SHPRH: variants seen among roughly 807,000 people sequenced by gnomAD.
SHPRH encodes E3 ubiquitin-protein ligase SHPRH.
SHPRH carries 106 observed loss-of-function variants against 202.5 expected under a neutral mutation model. The ratio of observed to expected loss-of-function variants is 0.52; its 90% confidence interval spans 0.45 to 0.62. SHPRH has a LOEUF of 0.62. SHPRH is among the 20% of genes least tolerant of loss of function. The pLI, the probability that SHPRH is intolerant of heterozygous loss-of-function variation, is 0.00. For missense variants in SHPRH, 1,710 were observed against 2,020.0 expected (o/e 0.85, Z 2.94); for synonymous variants, 729 against 686.0 (o/e 1.06, Z -0.98).
At chr6:145,958,879 C>T (rs1179401789) in intron 1 of SHPRH, among the ~76,000 whole-genome samples, 1 of 152,182 alleles carries the variant, frequency 6.6e-6, no homozygotes, top group Admixed American at 6.5e-5. Context: ...TGTTGCCCAG[C>T]TGGAGTGCAG....
chr6:145,941,983 T>C, intron 9 of SHPRH, 109 bp from the exon 10 acceptor site: 2 of 1,330,296 alleles, frequency 1.5e-6, no homozygotes, highest in Non-Finnish European at 2.1e-6. Flanking sequence ...TTAGGAGCAT[T>C]CATGCTATGA....
intron 2 of SHPRH, among the ~76,000 whole-genome samples, chr6:145,876,371 C>T (rs936427685): frequency 2.0e-5 from 3 of 151,996 alleles, no homozygotes; most frequent in African/African-American, 7.3e-5. Context: ...GAGAACCCAT[C>T]CTCTAAAAAA....
chr6:145,879,000 T>G (rs988312864), intron 2 of SHPRH, among the ~76,000 whole-genome samples: 1 of 152,192 alleles, frequency 6.6e-6, no homozygotes, highest in African/African-American at 2.4e-5. Flanking sequence ...TTATATGAAT[T>G]TGGTACTATT....
exon 3 of SHPRH, chr6:145,864,278 G>A (rs1425429871): frequency 3.5e-6 from 1 of 285,402 alleles, no homozygotes; most frequent in African/African-American, 2.2e-5. Flanking sequence ...TTACAGACAT[G>A]TATTACTGAA....
At chr6:145,923,988 C>T (rs1432820063) in intron 17 of SHPRH, among the ~76,000 whole-genome samples, 2 of 151,810 alleles carry the variant, frequency 1.3e-5, no homozygotes, top group East Asian at 1.9e-4. Context: ...AGAGAAACCC[C>T]TATTTCCTAA....
intron 5 of SHPRH, among the ~76,000 whole-genome samples, 187 bp from the exon 6 acceptor site, chr6:145,947,830 G>T (rs934698174): frequency 3.3e-5 from 5 of 151,872 alleles, no homozygotes; most frequent in Non-Finnish European, 7.4e-5. Flanking sequence ...CAAAAAAACT[G>T]CCTGAGCTGA....
At chr6:145,874,209 A>AT (rs150194495) in intron 2 of SHPRH, among the ~76,000 whole-genome samples, 3 of 147,862 alleles carry the variant, frequency 2.0e-5, no homozygotes, top group African/African-American at 7.5e-5. Flanking sequence ...AAAAATAATA[A>AT]AATAATAATA....
chr6:145,943,686 ATAATAG>A lies in SHPRH; in HGVS notation c.1689_1694del (p.Tyr566_Tyr567del), dbSNP rs1787049783. On this transcript the variant is annotated inframe_deletion, in exon 9 of 30. Transcript: ENST00000275233. ...TGCGATTTCTCCTGGACTTATAATA[ATAATAG>A]TAAGGATCATCATCATCATCAGAGG... 3.7e-6 allele frequency: 6 copies of A among 1,613,768 alleles called. No homozygotes were observed. Among genetic ancestry groups the A allele is most frequent in the Admixed American group, 1.7e-5 (1 of 59,960 alleles).
chr6:145,922,611 C>T (rs1344013864), intron 19 of SHPRH, 52 bp downstream of exon 19: 1 of 1,523,464 alleles, frequency 6.6e-7, no homozygotes, highest in South Asian at 1.3e-5. Context: ...TCTAAGAAAT[C>T]TAGCTTAAAG....
intron 16 of SHPRH, 32 bp downstream of exon 16, chr6:145,926,172 A>G (rs915875919): frequency 1.3e-6 from 2 of 1,574,226 alleles, no homozygotes; most frequent in Non-Finnish European, 1.7e-6. Flanking sequence ...AAGAAAATAT[A>G]CTTTTATAGA....
chr6:145,871,790 C>T (rs1780066536), intron 2 of SHPRH, among the ~76,000 whole-genome samples: 1 of 152,158 alleles, frequency 6.6e-6, no homozygotes, highest in South Asian at 2.1e-4. Context: ...TAGCTGACTT[C>T]AAACTATACG....
intron 11 of SHPRH, 59 bp downstream of exon 11, chr6:145,940,664 T>C: frequency 6.5e-7 from 1 of 1,539,650 alleles, no homozygotes; most frequent in Non-Finnish European, 9.0e-7. Context: ...ACAATACTTT[T>C]CTCTCTAAAA....
At chr6:145,952,690 G>A (rs1203152559) in intron 2 of SHPRH, among the ~76,000 whole-genome samples, 1 of 151,942 alleles carries the variant, frequency 6.6e-6, no homozygotes, top group Non-Finnish European at 1.5e-5. Flanking sequence ...TACAATTCGA[G>A]TTGCTGGAAA....
rs1222875798 is a variant in SHPRH at position 145,943,163 on chromosome 6, A to T, written c.2218T>A (p.Ser740Thr). The T allele has an allele frequency of 6.3e-7, 1 of 1,599,804 alleles. No homozygotes were observed. Among genetic ancestry groups the T allele is most frequent in the Non-Finnish European group, 8.5e-7 (1 of 1,171,522 alleles). Reference sequence around the variant, plus strand: ...CTTACCAAGACTCGAAGAGATGACGACCTCACATGCCTGTTGATCTCATCC... The same window carrying T: ...CTTACCAAGACTCGAAGAGATGACGTCCTCACATGCCTGTTGATCTCATCC... ...WVDEINRHVR[S>T]SSLRVLVYQG... Residue 740 changes from serine to threonine, a missense_variant, in exon 9 of 30, where the codon TCG becomes ACG. Coordinates refer to ENST00000275233, the MANE Select transcript of SHPRH (RefSeq NM_001042683.3).
At chr6:145,918,388 T>C in intron 22 of SHPRH, 156 bp from the exon 23 acceptor site, 2 of 432,780 alleles carry the variant, frequency 4.6e-6, no homozygotes. Context: ...TACTAGATAA[T>C]ATATTTCAAA....
At chr6:145,928,651 G>T (rs1468146091) in intron 14 of SHPRH, among the ~76,000 whole-genome samples, 2 of 151,782 alleles carry the variant, frequency 1.3e-5, no homozygotes, top group African/African-American at 2.4e-5. Flanking sequence ...TACCATCTCA[G>T]CCCTTTTTAA....
At chr6:145,913,648 T>A (rs1783693081) in intron 23 of SHPRH, 99 bp from the exon 24 acceptor site, 2 of 851,252 alleles carry the variant, frequency 2.3e-6, no homozygotes, top group Middle Eastern at 3.7e-4. Flanking sequence ...TACTGGCAAT[T>A]ACAATTTACA....
chr6:145,894,057 G>T, intron 27 of SHPRH, 93 bp downstream of exon 27: 1 of 839,108 alleles, frequency 1.2e-6, no homozygotes, highest in Non-Finnish European at 1.8e-6. Flanking sequence ...TGGCTTATAT[G>T]GCATGAGACA....
rs138461487 is a variant in SHPRH at position 145,943,474 on chromosome 6, A to G, written c.1907T>C (p.Leu636Pro). ...EHETEDCAES[L>P]NHADSDVPPS... ...TGGTACATCACTATCAGCATGATTT[A>G]GAGATTCAGCACAGTCCTCTGTTTC... Residue 636 changes from leucine (L) to proline (P), a missense_variant, in exon 9 of 30, where the codon CTA becomes CCA. This residue lies in a region of SHPRH where 348 missense variants were observed against 356.9 expected (regional missense o/e 0.97). Coordinates refer to ENST00000275233, the MANE Select transcript of SHPRH (RefSeq NM_001042683.3). 1.0e-4 allele frequency: 165 copies of G among 1,614,056 alleles called. No individual in the cohort carries two copies. In the East Asian group the frequency reaches 3.7e-3, roughly 36 times the overall value.
Sources: gnomAD v4.1 joint callset for allele counts (sites outside exome capture counted in the v4.1 genomes callset) on GRCh38, gnomAD v4.1.1 for gene constraint, gnomAD v4.1.1 regional missense constraint, MANE v1.5 for transcripts, NCBI Gene and HGNC (gene_info 2026-07-23, HGNC 2026-07-21) for gene names.